SRGAP2: variants seen among roughly 807,000 people sequenced by gnomAD.
SRGAP2 encodes SLIT-ROBO Rho GTPase-activating protein 2.
In SRGAP2, 15 loss-of-function variants were observed where a neutral mutation model predicts 57.2. The observed-to-expected ratio is 0.26, with a 90% CI of 0.18 to 0.40. SRGAP2 has a LOEUF of 0.40. Ranked by LOEUF, SRGAP2 falls within the 10% of genes least tolerant of loss-of-function variation. SRGAP2 has a pLI of 1.00. For synonymous variants in SRGAP2, 249 were observed against 248.0 expected, an observed-to-expected ratio of 1.00 and a Z score of -0.04; for missense variants, 520 against 669.6, an observed-to-expected ratio of 0.78 and a Z score of 2.47.
intron 13 of SRGAP2, among the ~76,000 whole-genome samples, chr1:206,421,817 T>C (rs1407098593): frequency 6.6e-6 from 1 of 152,252 alleles, no homozygotes; most frequent in Non-Finnish European, 1.5e-5. Flanking sequence ...TTCAGTGTTG[T>C]GTTAAAATCT....
chr1:206,458,895 G>A lies in SRGAP2; in HGVS notation c.2780G>A (p.Arg927Lys). The change falls in exon 22 of 23, where the codon AGG (arginine) becomes AAG (lysine). Residue 927 changes from arginine to lysine, a missense_variant. By Grantham distance (26) the Arg-to-Lys change is conservative. Coordinates refer to ENST00000573034, the MANE Select transcript of SRGAP2 (RefSeq NM_015326.5). ...ATCCGGAAGACTGCCACAGCGGGAA[G>A]GTCAAAAAGCTTCAATAACCATCGG... ...PQIRKTATAG[R>K]SKSFNNHRPM... is the part of the protein sequence containing the mutation. 1 of 779,996 alleles carries A rather than the reference G, an allele frequency of 1.3e-6. No homozygotes were observed. The highest frequency in any genetic ancestry group is 2.4e-6 in the Non-Finnish European group (1 of 417,584). 48.3% of individuals were successfully genotyped at this position (779,996 alleles called of 1,614,324 possible). A position where few individuals can be genotyped will look rare whatever the true frequency, so the allele number is the denominator to read the frequency against.
At chr1:206,258,930 A>G (rs1370269908) in intron 2 of SRGAP2, among the ~76,000 whole-genome samples, 1 of 145,726 alleles carries the variant, frequency 6.9e-6, no homozygotes, top group African/African-American at 2.6e-5. Context: ...AGTTGGAAAG[A>G]CAGAGCTCGG....
intron 3 of SRGAP2, among the ~76,000 whole-genome samples, chr1:206,313,005 G>C (rs1346466467): frequency 1.3e-5 from 2 of 151,614 alleles, no homozygotes; most frequent in African/African-American, 4.8e-5. Context: ...TTCGGTCATA[G>C]CTCACTTGGT....
intron 14 of SRGAP2, among the ~76,000 whole-genome samples, chr1:206,433,539 G>A (rs1661454418): frequency 6.6e-6 from 1 of 151,892 alleles, no homozygotes; most frequent in South Asian, 2.1e-4. Context: ...TACTCGGGAG[G>A]CTGAGGCACA....
At chr1:206,445,889 C>T (rs533899009) in intron 17 of SRGAP2, among the ~76,000 whole-genome samples, 186 bp from the exon 18 acceptor site, 1 of 152,266 alleles carries the variant, frequency 6.6e-6, no homozygotes, top group Admixed American at 6.5e-5. Context: ...TCCTGAGCTC[C>T]TGAATGACCA....
intron 5 of SRGAP2, among the ~76,000 whole-genome samples, chr1:206,391,661 TCTA>T (rs1447693310): frequency 1.6e-4 from 24 of 147,152 alleles, no homozygotes; most frequent in Non-Finnish European, 1.0e-4. Context: ...ACACCCAACT[TCTA>T]CTCTCTAATT....
chr1:206,394,598 G>T (rs1291040551), intron 7 of SRGAP2, among the ~76,000 whole-genome samples: 1 of 152,192 alleles, frequency 6.6e-6, no homozygotes, highest in Non-Finnish European at 1.5e-5. Context: ...CTGCAAATTA[G>T]GGTCCTGTCA....
At position 206,418,694 on chromosome 1, in the gene SRGAP2, T is replaced by C. The variant is rs797043465; in HGVS notation, c.1442-679T>C. Among the ~76,000 whole-genome samples, 24 of 152,288 alleles carry C rather than the reference T, an allele frequency of 1.6e-4. 1 individual carries two copies. Among genetic ancestry groups the C allele is most frequent in the African/African-American group, 5.8e-4 (24 of 41,558 alleles). Reference sequence around the variant, plus strand: ...TTTTTAAAAGCTAGCAATGACCCATTAAACTCCTAAGGCCCACTGTTAGAT... The same window carrying C: ...TTTTTAAAAGCTAGCAATGACCCATCAAACTCCTAAGGCCCACTGTTAGAT... On this transcript the variant is annotated intron_variant, in intron 11 of 22. Transcript: ENST00000573034.
At chr1:206,214,003 T>C (rs1258791931) in intron 2 of SRGAP2, among the ~76,000 whole-genome samples, 5 of 152,048 alleles carry the variant, frequency 3.3e-5, no homozygotes, top group Non-Finnish European at 5.9e-5. Flanking sequence ...GGGTCACAAA[T>C]AAGCCAGATG....
chr1:206,303,812 A>G (rs1370112240), intron 3 of SRGAP2, among the ~76,000 whole-genome samples: 5 of 151,830 alleles, frequency 3.3e-5, no homozygotes, highest in African/African-American at 4.8e-5. Context: ...TTTATAGATG[A>G]GGAAACTGAG....
chr1:206,313,644 C>G (rs1416056136), intron 3 of SRGAP2, among the ~76,000 whole-genome samples: 10 of 152,164 alleles, frequency 6.6e-5, no homozygotes, highest in Non-Finnish European at 1.3e-4. Context: ...GGATTTGGCT[C>G]TATGCAATAG....
chr1:206,207,278 C>T (rs1221857686), intron 2 of SRGAP2: 1 of 151,818 alleles, frequency 6.6e-6, no homozygotes, highest in African/African-American at 2.4e-5. Context: ...TCCCTTATCT[C>T]TTGGAAGGTT....
chr1:206,291,758 A>G (rs1251767571), intron 2 of SRGAP2, among the ~76,000 whole-genome samples: 6 of 149,064 alleles, frequency 4.0e-5, no homozygotes, highest in Non-Finnish European at 7.4e-5. Flanking sequence ...GGGACAGTTT[A>G]CCTTTCCATA....
chr1:206,372,951 CTTT>C lies in SRGAP2; in HGVS notation c.424-11062_424-11060del, dbSNP rs1558358541. 2.3e-3 allele frequency among the ~76,000 whole-genome samples: 26 copies of C among 11,352 alleles called. 4 individuals carry two copies. Among genetic ancestry groups the C allele is most frequent in the African/African-American group, 0.01 (21 of 2,070 alleles). The allele number at this position is 11,352 out of a possible 152,430, so 7.4% of individuals were successfully genotyped here. A position where few individuals can be genotyped will look rare whatever the true frequency, so the allele number is the denominator to read the frequency against. On this transcript the variant is annotated intron_variant, in intron 4 of 22. Transcript: ENST00000573034. ...TCTTTCTTTCTTTCTTTCTTTCTTT[CTTT>C]CTTTTCTTTCCTTTCTTTCTTTCTT... is the stretch of plus-strand genomic sequence containing the variant.
chr1:206,393,792 T>C (rs76265321), intron 7 of SRGAP2, 119 bp downstream of exon 7: 17 of 504,518 alleles, frequency 3.4e-5, no homozygotes, highest in Non-Finnish European at 6.1e-5. Context: ...ATTAGGAAGA[T>C]AGCAGCCATG....
chr1:206,387,348 G>A (rs1656407067), intron 5 of SRGAP2, among the ~76,000 whole-genome samples: 1 of 148,314 alleles, frequency 6.7e-6, no homozygotes, highest in Non-Finnish European at 1.5e-5. Context: ...TTGCATGGGA[G>A]AGTGGTTTTA....
chr1:206,347,709 A>T (rs1436045609), intron 4 of SRGAP2, among the ~76,000 whole-genome samples: 1 of 150,618 alleles, frequency 6.6e-6, no homozygotes, highest in East Asian at 1.9e-4. Flanking sequence ...TTGTACAGAG[A>T]AGAGAAAATC....
Position 206,454,076 on chromosome 1 carries a change from C to CA in SRGAP2, c.2360+697dup. On this transcript the variant is annotated intron_variant, in intron 20 of 22. Transcript: ENST00000573034. This position sits in a 1 kb window ranked among gnomAD's most constrained non-coding sequence, Gnocchi z 4.3. ...TGTCCGTTTGCCCTGTCTCTGTCCC[C>CA]AGCTCCCCTCCCTTGGATACGATGC... The CA allele has an allele frequency of 1.4e-6, 1 of 701,834 alleles. No individual in the cohort carries two copies. The highest frequency in any genetic ancestry group is 1.5e-5 in the South Asian group (1 of 67,438). 43.5% of individuals were successfully genotyped at this position (701,834 alleles called of 1,614,324 possible).
At chr1:206,418,892 G>C (rs12097303) in intron 11 of SRGAP2, among the ~76,000 whole-genome samples, 16,608 of 92,864 alleles carry the variant, frequency 0.18, 1,175 homozygotes, top group African/African-American at 0.35. Flanking sequence ...CTCTCTCTGT[G>C]TGTGTGTGTG....
Sources: allele counts gnomAD v4.1 joint callset (sites outside exome capture counted in the v4.1 genomes callset), GRCh38; gene constraint gnomAD v4.1.1; non-coding constraint Gnocchi (gnomAD v3.1); transcripts MANE v1.5; gene names NCBI Gene and HGNC (gene_info 2026-07-23, HGNC 2026-07-21).